Variants in DOCK10 observed in about 807,000 individuals in gnomAD.
The protein encoded by DOCK10 is dedicator of cytokinesis 10.
In DOCK10, 145 loss-of-function variants were observed where a neutral mutation model predicts 280.1. The ratio of observed to expected loss-of-function variants is 0.52; its 90% CI spans 0.45 to 0.59. The LOEUF (loss-of-function observed/expected upper bound fraction) is 0.59, where lower values mean the gene tolerates loss of function less well. DOCK10 is among the 20% of genes least tolerant of loss of function. The pLI is 0.00. For missense variants in DOCK10, 2,368 were observed against 2,651.7 expected (o/e 0.89, Z 2.35); for synonymous variants, 915 against 942.2 (o/e 0.97, Z 0.53).
chr2:224,796,099 C>T (rs1483317818), intron 44 of DOCK10, among the ~76,000 whole-genome samples: 1 of 151,770 alleles, frequency 6.6e-6, no homozygotes, highest in African/African-American at 2.4e-5. Context: ...TGCTCTGTTA[C>T]CCATGCTGGA....
At chr2:225,032,531 C>T (rs1021441808) in intron 1 of DOCK10, among the ~76,000 whole-genome samples, 3 of 152,076 alleles carry the variant, frequency 2.0e-5, no homozygotes, top group Non-Finnish European at 2.9e-5. Flanking sequence ...TTTTTCACTT[C>T]AGAATAAAAC....
intron 1 of DOCK10, among the ~76,000 whole-genome samples, chr2:225,013,489 C>A (rs189425795): frequency 6.6e-6 from 1 of 152,244 alleles, no homozygotes; most frequent in Admixed American, 6.5e-5. Flanking sequence ...CTCTTAACTG[C>A]TAAGATCATG....
intron 24 of DOCK10, 49 bp downstream of exon 24, chr2:224,839,905 G>T: frequency 1.3e-6 from 1 of 775,134 alleles, no homozygotes; most frequent in Non-Finnish European, 2.1e-6. Flanking sequence ...AAGAGTTTAT[G>T]TAACTACACA....
rs1484610613 is a variant in DOCK10, at chr2:224,787,284, T to C, written c.5532A>G (p.Arg1844=). 3 of 1,614,016 alleles carry C rather than the reference T, an allele frequency of 1.9e-6. No individual in the cohort carries two copies. Among genetic ancestry groups the C allele is most frequent in the Admixed American group, 1.7e-5 (1 of 60,028 alleles). Residue 1844 remains arginine, a synonymous_variant, in exon 49 of 56, where the codon CGA becomes CGG. Transcript: ENST00000258390. ...GGGTTGGAATACATACTTTGAAGTC[T>C]CGTTGTTTCTCAAAGACAGCAATGA... ...KPIIAVFEKQ[R]DFKKLSDLYY...
At chr2:224,920,676 C>T (rs1161886534) in intron 2 of DOCK10, among the ~76,000 whole-genome samples, 2 of 151,432 alleles carry the variant, frequency 1.3e-5, no homozygotes, top group African/African-American at 4.9e-5. Context: ...AAAAAAAATT[C>T]TATATTATGG....
chr2:224,895,521 A>G (rs1394423933), intron 4 of DOCK10, among the ~76,000 whole-genome samples: 1 of 152,148 alleles, frequency 6.6e-6, no homozygotes, highest in Non-Finnish European at 1.5e-5. Flanking sequence ...AAAATTTGCC[A>G]TTTACTCTGT....
chr2:225,011,438 T>G (rs1192371597), intron 1 of DOCK10, among the ~76,000 whole-genome samples: 1 of 152,164 alleles, frequency 6.6e-6, no homozygotes, highest in Non-Finnish European at 1.5e-5. Flanking sequence ...GAAATTCAAA[T>G]TAAATTAACT....
intron 7 of DOCK10, among the ~76,000 whole-genome samples, chr2:224,884,340 C>T (rs753245379): frequency 7.2e-5 from 11 of 152,104 alleles, no homozygotes; most frequent in African/African-American, 1.4e-4. Context: ...AATTTCAGCT[C>T]GTAACAAGCT....
chr2:224,943,827 G>A (rs1486440835), intron 1 of DOCK10, among the ~76,000 whole-genome samples: 2 of 144,620 alleles, frequency 1.4e-5, no homozygotes, highest in East Asian at 2.1e-4. Flanking sequence ...GCAGTGGCAC[G>A]ATCTCGGCTC....
Position 224,852,392 on chromosome 2 carries a change from A to T in DOCK10, c.2127T>A (p.Ser709Arg). ...CIEFKNSDEE[S>R]AKPLKCIYGK... ...CTTGGCTCACCTTCAGGGGCTTGGC[A>T]CTTTCTTCATCTGAATTTTTGAATT... The change falls in exon 18 of 56, where the codon AGT becomes AGA. Residue 709 changes from serine (S) to arginine (R), a missense_variant. Physicochemically the swap from Ser to Arg is moderately radical, Grantham distance 110. Transcript: ENST00000258390. 1 of 1,572,788 alleles carries T rather than the reference A, an allele frequency of 6.4e-7. No individual in the cohort carries two copies. The highest frequency in any genetic ancestry group is 8.6e-7 in the Non-Finnish European group (1 of 1,157,932).
rs1695448784 is a variant in DOCK10, at chr2:224,834,227, C to T, written c.2887G>A (p.Val963Ile). 2 of 1,612,862 alleles carry T rather than the reference C, an allele frequency of 1.2e-6. No individual in the cohort carries two copies. The highest frequency in any genetic ancestry group is 1.7e-6 in the Non-Finnish European group (2 of 1,179,028). The change falls in exon 26 of 56, where the codon GTA (valine) becomes ATA (isoleucine). Residue 963 changes from valine (V) to isoleucine (I), a missense_variant. Val to Ile is a conservative substitution (Grantham distance 29). Around this residue, in one of 2 missense-constraint regions of DOCK10, gnomAD observed 1,209 missense variants for 1,250.9 expected, o/e 0.97. Transcript: ENST00000258390. ...ACATTTTTAGCCAGTTCCTCATGTA[C>T]AGTCCTCTCCTTGCATGCCCTGGTC... ...FKTRACKERT[V>I]HEELAKNVTG...
At chr2:225,024,707 C>A (rs1689871774) in intron 1 of DOCK10, among the ~76,000 whole-genome samples, 2 of 147,108 alleles carry the variant, frequency 1.4e-5, no homozygotes, top group Non-Finnish European at 3.0e-5. Flanking sequence ...CATGGCAAAA[C>A]CCCATTTCTA....
chr2:224,798,683 G>A (rs1430855000), intron 41 of DOCK10, among the ~76,000 whole-genome samples: 3 of 150,664 alleles, frequency 2.0e-5, no homozygotes, highest in Non-Finnish European at 4.4e-5. Context: ...CTAAGCAGGA[G>A]TGTCGTGGCA....
At chr2:224,798,046 C>A in intron 41 of DOCK10, 77 bp from the exon 42 acceptor site, 1 of 1,444,262 alleles carries the variant, frequency 6.9e-7, no homozygotes. Context: ...TTATTGTGAA[C>A]CTGTCATGTG....
chr2:224,850,806 C>T (rs570687161), intron 18 of DOCK10, among the ~76,000 whole-genome samples: 3 of 152,080 alleles, frequency 2.0e-5, no homozygotes, highest in Admixed American at 6.5e-5. Flanking sequence ...TCTCTCTCAC[C>T]TGCCACCATG....
intron 55 of DOCK10, among the ~76,000 whole-genome samples, chr2:224,766,911 A>G (rs1690106140): frequency 6.6e-6 from 1 of 152,178 alleles, no homozygotes; most frequent in African/African-American, 2.4e-5. Context: ...TCTCCATTTT[A>G]CACAGTAGCA....
chr2:224,822,064 T>C (rs772749410), intron 28 of DOCK10, among the ~76,000 whole-genome samples: 1 of 152,196 alleles, frequency 6.6e-6, no homozygotes, highest in Non-Finnish European at 1.5e-5. Context: ...TTTCCACTTC[T>C]ATAGGCTTTT....
chr2:224,771,960 A>G (rs557222535), intron 53 of DOCK10, among the ~76,000 whole-genome samples: 4 of 149,516 alleles, frequency 2.7e-5, no homozygotes, highest in African/African-American at 9.8e-5. Context: ...TTGCTCTGTC[A>G]CTGATGCTGG....
chr2:225,007,292 C>T (rs961080344), intron 1 of DOCK10, among the ~76,000 whole-genome samples: 1 of 152,166 alleles, frequency 6.6e-6, no homozygotes, highest in Non-Finnish European at 1.5e-5. Flanking sequence ...AAGGTGGTTT[C>T]TAGCAGTAAG....
Sources: allele counts gnomAD v4.1 joint callset (sites outside exome capture counted in the v4.1 genomes callset), GRCh38; gene constraint gnomAD v4.1.1; regional missense constraint gnomAD v4.1.1; transcripts MANE v1.5; gene names NCBI Gene and HGNC (gene_info 2026-07-23, HGNC 2026-07-21).